PLCB4: variants seen among roughly 807,000 people sequenced by gnomAD.
The protein encoded by PLCB4 is phospholipase C beta 4.
A neutral mutation model predicts 178.8 loss-of-function variants in PLCB4; 77 were observed. The observed-to-expected ratio is 0.43, with a 90% CI of 0.36 to 0.52. PLCB4 has a LOEUF of 0.52. Among genes scored for constraint, PLCB4 ranks in the 20% least tolerant of loss-of-function variants. The pLI, the probability that PLCB4 is intolerant of heterozygous loss-of-function variation, is 0.00. For synonymous variants in PLCB4, 496 were observed against 490.8 expected (o/e 1.01, Z -0.14); for missense variants, 1,024 against 1,453.4 (o/e 0.70, Z 4.80).
At chr20:9,446,594 T>A (rs2122178142) in intron 32 of PLCB4, among the ~76,000 whole-genome samples, 1 of 152,296 alleles carries the variant, frequency 6.6e-6, no homozygotes, top group Non-Finnish European at 1.5e-5. Context: ...CATATTGTCT[T>A]TAGGCGAGAC....
At chr20:9,469,751 C>T (rs1382767528) in intron 36 of PLCB4, among the ~76,000 whole-genome samples, 2 of 152,196 alleles carry the variant, frequency 1.3e-5, no homozygotes, top group African/African-American at 4.8e-5. Flanking sequence ...TTTGTGTGTC[C>T]TCTATAGAAG....
At position 9,480,041 on chromosome 20, in the gene PLCB4, G is replaced by A. The variant is rs1325646754; in HGVS notation, c.*1032G>A. The A allele has an allele frequency of 1.3e-5, 2 of 152,348 alleles. No individual in the cohort carries two copies. The highest frequency in any genetic ancestry group is 2.9e-5 in the Non-Finnish European group (2 of 68,018). 9.4% of individuals were successfully genotyped at this position (152,348 alleles called of 1,614,324 possible). ...ATATATGTGTATATGAATTATGTGG[G>A]CATTCTTGATACTTCAAGTTCTAGT... On this transcript the variant is annotated 3_prime_UTR_variant, in exon 40 of 40. Coordinates refer to ENST00000378473, the MANE Select transcript of PLCB4 (RefSeq NM_001377142.1).
At chr20:9,478,575 A>C (rs1185936475) in intron 39 of PLCB4, among the ~76,000 whole-genome samples, 1 of 152,216 alleles carries the variant, frequency 6.6e-6, no homozygotes, top group Non-Finnish European at 1.5e-5. Context: ...TAAATCAAAC[A>C]GTTTGTGGTA....
intron 7 of PLCB4, among the ~76,000 whole-genome samples, chr20:9,344,296 T>C (rs34171373): frequency 0.07 from 10,698 of 152,250 alleles, 418 homozygotes; most frequent in African/African-American, 0.095. Flanking sequence ...TGGAAAATTG[T>C]CTTAGCAGGA....
chr20:9,408,626 T>G lies in PLCB4; in HGVS notation c.1790-7T>G. 1 of 1,490,826 alleles carries G rather than the reference T, an allele frequency of 6.7e-7. No individual in the cohort carries two copies. The highest frequency in any genetic ancestry group is 9.3e-7 in the Non-Finnish European group (1 of 1,069,720). The allele number at this position is 1,490,826 out of a possible 1,614,324, so 92.3% of individuals were successfully genotyped here. ...TTCCTGAATCCATCTTTGCTTTTCT[T>G]TTACAGAACGCAATATTCATTATAA... is the stretch of plus-strand genomic sequence containing the variant. On this transcript the variant is annotated splice_polypyrimidine_tract_variant and splice_region_variant and intron_variant, in intron 22 of 39. Coordinates refer to ENST00000378473, the MANE Select transcript of PLCB4 (RefSeq NM_001377142.1).
intron 3 of PLCB4, among the ~76,000 whole-genome samples, chr20:9,289,241 A>T (rs1471256341): frequency 6.6e-6 from 1 of 152,124 alleles, no homozygotes; most frequent in Non-Finnish European, 1.5e-5. Flanking sequence ...AATACTCCCT[A>T]TAAATATTCC....
rs1600743785 is a variant in PLCB4, at chr20:9,152,814, GCAAA to G, written c.-79+56479_-79+56482del. ...CTTGCACCATGTGCCTGGAAAAGCT[GCAAA>G]CAAACACTCAATGCCAGCCCATGAA... is the stretch of plus-strand genomic sequence containing the variant. On this transcript the variant is annotated intron_variant, in intron 2 of 39. Coordinates refer to ENST00000378473, the MANE Select transcript of PLCB4 (RefSeq NM_001377142.1). Among the ~76,000 whole-genome samples the G allele has an allele frequency of 5.3e-5, 8 of 152,176 alleles. 1 individual carries two copies.
intron 4 of PLCB4, among the ~76,000 whole-genome samples, chr20:9,318,724 C>T (rs867934960): frequency 6.6e-6 from 1 of 152,160 alleles, no homozygotes; most frequent in East Asian, 1.9e-4. Flanking sequence ...GTTAGCTTAG[C>T]TAACTGTTAT....
chr20:9,420,331 AT>A (rs1167498896), intron 26 of PLCB4, among the ~76,000 whole-genome samples: 4 of 148,848 alleles, frequency 2.7e-5, no homozygotes, highest in South Asian at 2.1e-4. Context: ...CTAATTTTAC[AT>A]TTTTTTTTTG....
chr20:9,355,288 A>G (rs1355457378), intron 7 of PLCB4, among the ~76,000 whole-genome samples: 1 of 151,814 alleles, frequency 6.6e-6, no homozygotes, highest in East Asian at 1.9e-4. Context: ...TATTTTTTAT[A>G]TTTTGTATTA....
At chr20:9,318,595 G>A (rs6056536) in intron 4 of PLCB4, among the ~76,000 whole-genome samples, 52,366 of 152,076 alleles carry the variant, frequency 0.34, 13,284 homozygotes, top group African/African-American at 0.72. Flanking sequence ...CTCTCAAACA[G>A]AAGTGGTTGG....
chr20:9,388,229 A>G (rs2037842916), intron 15 of PLCB4, among the ~76,000 whole-genome samples: 1 of 152,184 alleles, frequency 6.6e-6, no homozygotes, highest in African/African-American at 2.4e-5. Flanking sequence ...CAAGAGTGAA[A>G]CTCCATCTCA....
At chr20:9,311,585 C>T (rs746048894) in intron 4 of PLCB4, among the ~76,000 whole-genome samples, 5 of 152,090 alleles carry the variant, frequency 3.3e-5, no homozygotes, top group East Asian at 1.9e-4. Flanking sequence ...TTTCACTTTT[C>T]CAGATACTTT....
At chr20:9,450,497 C>G (rs1268292497) in intron 32 of PLCB4, among the ~76,000 whole-genome samples, 11 of 152,110 alleles carry the variant, frequency 7.2e-5, no homozygotes, top group Non-Finnish European at 1.5e-4. Flanking sequence ...TTTTCAGGAC[C>G]AGCTTTCCTG....
At chr20:9,168,552 TGATGAGGCCTGAGATTCTGCATTGCTA>T (rs1170425965) in intron 2 of PLCB4, among the ~76,000 whole-genome samples, 1 of 152,150 alleles carries the variant, frequency 6.6e-6, no homozygotes, top group Admixed American at 6.5e-5. Flanking sequence ...AGGTGTGGGG[TGATGAGGCCTGAGATTCTGCATTGCTA>T]ACAGGCTCCC....
intron 3 of PLCB4, among the ~76,000 whole-genome samples, chr20:9,233,577 A>G (rs549417253): frequency 6.6e-6 from 1 of 152,272 alleles, no homozygotes; most frequent in East Asian, 1.9e-4. Flanking sequence ...TGTACTATGA[A>G]GGTAATGTTT....
chr20:9,405,865 G>T (rs568633905), intron 21 of PLCB4, among the ~76,000 whole-genome samples: 1 of 152,344 alleles, frequency 6.6e-6, no homozygotes, highest in South Asian at 2.1e-4. Flanking sequence ...CAGTGAGGCT[G>T]ACAGCCACAG....
In PLCB4 at chr20:9,408,587, G is replaced by C. The variant is rs530419931; in HGVS notation, c.1790-46G>C. 31 of 777,806 alleles carry C rather than the reference G, an allele frequency of 4.0e-5. No individual in the cohort carries two copies. The South Asian group carries it at 4.4e-4, about 11-fold the overall frequency. 48.2% of individuals were successfully genotyped at this position (777,806 alleles called of 1,614,324 possible). Reference sequence around the variant, plus strand: ...TATTTATTGCTGTTTTTCGGTGAGGGTTTGATGGCAGAGTTCCTGAATCCA... The same window carrying C: ...TATTTATTGCTGTTTTTCGGTGAGGCTTTGATGGCAGAGTTCCTGAATCCA... On this transcript the variant is annotated intron_variant, in intron 22 of 39. Transcript: ENST00000378473.
intron 14 of PLCB4, among the ~76,000 whole-genome samples, chr20:9,386,124 A>G (rs9753566): frequency 0.082 from 12,493 of 152,080 alleles, 684 homozygotes; most frequent in African/African-American, 0.15. Context: ...GTGGTGGCGC[A>G]CACCCGCAAT....
Sources: gnomAD v4.1 joint callset for allele counts (sites outside exome capture counted in the v4.1 genomes callset) on GRCh38, gnomAD v4.1.1 for gene constraint, MANE v1.5 for transcripts, NCBI Gene and HGNC (gene_info 2026-07-23, HGNC 2026-07-21) for gene names.